Variants in PLCB1 observed in about 807,000 individuals in gnomAD.
PLCB1 encodes phospholipase C beta 1.
Under a neutral mutation model 161.8 loss-of-function variants are expected in PLCB1, and 46 were observed. The observed-to-expected ratio is 0.28, with a 90% CI of 0.22 to 0.36. PLCB1 has a LOEUF of 0.36. Ranked by LOEUF, PLCB1 falls within the 10% of genes least tolerant of loss-of-function variation. The pLI is 1.00. For missense variants in PLCB1, 1,016 were observed against 1,472.5 expected, an observed-to-expected ratio of 0.69 and a Z score of 5.07; for synonymous variants, 517 against 503.7, an observed-to-expected ratio of 1.03 and a Z score of -0.35.
At chr20:8,200,048 T>A (rs1016212591) in intron 2 of PLCB1, among the ~76,000 whole-genome samples, 1 of 152,070 alleles carries the variant, frequency 6.6e-6, no homozygotes. Context: ...TATAATTGGT[T>A]AAAAAAATAT....
rs549839732 is a variant in PLCB1, at chr20:8,829,406, A to G, written c.3423+39145A>G. 4.8e-4 allele frequency among the ~76,000 whole-genome samples: 73 copies of G among 152,324 alleles called. 1 individual carries two copies. Among genetic ancestry groups the G allele is most frequent in the African/African-American group, 1.7e-3 (72 of 41,578 alleles). ...CATTGACCAGTAGGGGATAATTCAG[A>G]TGAACACCTTCGTGCTTGGAATATG... On this transcript the variant is annotated intron_variant, in intron 31 of 31. Transcript: ENST00000338037.
chr20:8,672,612 T>C (rs1010600455), intron 9 of PLCB1, among the ~76,000 whole-genome samples: 1 of 152,068 alleles, frequency 6.6e-6, no homozygotes, highest in East Asian at 1.9e-4. Context: ...AGAGCCTCAG[T>C]GGGGGCCCTT....
At chr20:8,278,811 A>C (rs1982725898) in intron 2 of PLCB1, among the ~76,000 whole-genome samples, 1 of 152,094 alleles carries the variant, frequency 6.6e-6, no homozygotes, top group South Asian at 2.1e-4. Flanking sequence ...GTTATGGCTA[A>C]GCAACCCCAA....
At chr20:8,510,269 T>G (rs1397375697) in intron 3 of PLCB1, among the ~76,000 whole-genome samples, 1 of 152,230 alleles carries the variant, frequency 6.6e-6, no homozygotes, top group Non-Finnish European at 1.5e-5. Flanking sequence ...AACTGGAGCT[T>G]GCTTTCACTT....
chr20:8,723,881 G>A (rs1172505633), intron 15 of PLCB1, among the ~76,000 whole-genome samples: 1 of 151,944 alleles, frequency 6.6e-6, no homozygotes, highest in Non-Finnish European at 1.5e-5. Flanking sequence ...TGTTGATGAA[G>A]GAAAGCAGTT....
intron 2 of PLCB1, among the ~76,000 whole-genome samples, chr20:8,207,472 G>T (rs1488248243): frequency 3.3e-5 from 5 of 152,090 alleles, no homozygotes; most frequent in Non-Finnish European, 2.9e-5. Context: ...GACCCAGGTG[G>T]GTACTTACCA....
At chr20:8,455,841 G>A (rs542257507) in intron 3 of PLCB1, among the ~76,000 whole-genome samples, 4 of 152,216 alleles carry the variant, frequency 2.6e-5, no homozygotes, top group South Asian at 2.1e-4. Context: ...GGATGCTTAC[G>A]CAGATTTCCT....
intron 2 of PLCB1, among the ~76,000 whole-genome samples, chr20:8,227,088 A>T (rs1237200269): frequency 6.6e-6 from 1 of 152,154 alleles, no homozygotes; most frequent in Non-Finnish European, 1.5e-5. Flanking sequence ...GATATTTTAC[A>T]TTCTCCTTGT....
chr20:8,752,799 A>T (rs1204932502), intron 23 of PLCB1, among the ~76,000 whole-genome samples: 1 of 152,066 alleles, frequency 6.6e-6, no homozygotes, highest in South Asian at 2.1e-4. Context: ...TCTCAAAAAA[A>T]AAAAAAAAAG....
chr20:8,772,953 A>AAAAGG (rs1201592221), intron 26 of PLCB1, among the ~76,000 whole-genome samples: 1 of 152,176 alleles, frequency 6.6e-6, no homozygotes, highest in Non-Finnish European at 1.5e-5. Context: ...AAAAGAAAAG[A>AAAAGG]AAAAAGATAA....
At chr20:8,453,921 G>T (rs1347788141) in intron 3 of PLCB1, among the ~76,000 whole-genome samples, 1 of 152,026 alleles carries the variant, frequency 6.6e-6, no homozygotes, top group Non-Finnish European at 1.5e-5. Context: ...GTTAAATGAG[G>T]TCATAAGGGT....
At chr20:8,662,453 A>ATTAT (rs71184109) in intron 9 of PLCB1, among the ~76,000 whole-genome samples, 59,146 of 130,554 alleles carry the variant, frequency 0.45, 13,946 homozygotes, top group Admixed American at 0.49. Context: ...GTTATGTATA[A>ATTAT]TTATTATATA....
chr20:8,424,743 G>T (rs1979677688), intron 3 of PLCB1, among the ~76,000 whole-genome samples: 1 of 152,174 alleles, frequency 6.6e-6, no homozygotes, highest in Admixed American at 6.5e-5. Flanking sequence ...GTAGAGGGTG[G>T]TGACTGCAAG....
At chr20:8,705,818 G>A (rs1407406791) in intron 11 of PLCB1, among the ~76,000 whole-genome samples, 1 of 152,242 alleles carries the variant, frequency 6.6e-6, no homozygotes, top group Non-Finnish European at 1.5e-5. Flanking sequence ...AATGGCAGGT[G>A]CCAGATCAAG....
At chr20:8,718,403 C>G (rs564412277) in intron 14 of PLCB1, among the ~76,000 whole-genome samples, 1 of 152,184 alleles carries the variant, frequency 6.6e-6, no homozygotes, top group Non-Finnish European at 1.5e-5. Context: ...GGGCTACACT[C>G]CAGGTGTCAG....
rs1297475969 is a variant in PLCB1, at chr20:8,687,581, C to T, written c.1009+2503C>T. On this transcript the variant is annotated intron_variant, in intron 10 of 31. Coordinates refer to ENST00000338037, the MANE Select transcript of PLCB1 (RefSeq NM_015192.4). Reference sequence around the variant, plus strand: ...GCTCCCACATATCAGAGAGAACATACGATGTTTGGTTTTCCATTCCTGAGT... The same window carrying T: ...GCTCCCACATATCAGAGAGAACATATGATGTTTGGTTTTCCATTCCTGAGT... Among the ~76,000 whole-genome samples, 11 of 152,112 alleles carry T rather than the reference C, an allele frequency of 7.2e-5. No individual in the cohort carries two copies. The South Asian group carries it at 1.9e-3, about 26-fold the overall frequency.
chr20:8,751,677 T>G (rs1981488616), intron 23 of PLCB1: 1 of 152,222 alleles, frequency 6.6e-6, no homozygotes, highest in Non-Finnish European at 1.5e-5. Context: ...CTTCTGTGGT[T>G]CATTCTGCAC....
At chr20:8,705,366 AG>A (rs1348355251) in intron 11 of PLCB1, among the ~76,000 whole-genome samples, 12 of 152,316 alleles carry the variant, frequency 7.9e-5, no homozygotes, top group African/African-American at 1.9e-4. Flanking sequence ...ATATATTAGG[AG>A]TTCATTCATT....
intron 4 of PLCB1, among the ~76,000 whole-genome samples, chr20:8,630,010 C>CTTTCTT (rs760712723): frequency 0.046 from 2,756 of 60,562 alleles, 53 homozygotes; most frequent in East Asian, 0.052. Context: ...TTCTTTCTTT[C>CTTTCTT]TCTTTCTTCT....
Sources: gnomAD v4.1 joint callset for allele counts (sites outside exome capture counted in the v4.1 genomes callset) on GRCh38, gnomAD v4.1.1 for gene constraint, MANE v1.5 for transcripts, NCBI Gene and HGNC (gene_info 2026-07-23, HGNC 2026-07-21) for gene names.